MICAL3: variants seen among roughly 807,000 people sequenced by gnomAD.
The protein encoded by MICAL3 is microtubule associated monooxygenase, calponin and LIM domain containing 3, also known as [F-actin]-monooxygenase MICAL3.
MICAL3 carries 62 observed loss-of-function variants against 207.4 expected under a neutral mutation model. The ratio of observed to expected loss-of-function variants is 0.30; its 90% CI spans 0.24 to 0.37. The LOEUF (loss-of-function observed/expected upper bound fraction) is 0.37. Among genes scored for constraint, MICAL3 ranks in the 10% least tolerant of loss-of-function variants. MICAL3 has a pLI of 1.00. For synonymous variants in MICAL3, 1,077 were observed against 1,069.3 expected, an observed-to-expected ratio of 1.01 and a Z score of -0.14; for missense variants, 2,368 against 2,635.6, an observed-to-expected ratio of 0.90 and a Z score of 2.22.
chr22:17,887,535 G>A (rs542193170), intron 13 of MICAL3, 100 bp from the exon 14 acceptor site: 2 of 724,124 alleles, frequency 2.8e-6, no homozygotes, highest in Non-Finnish European at 4.7e-6. Flanking sequence ...CAGAGCCTCA[G>A]AAGGCTCTAA....
At chr22:17,885,806 T>C in intron 16 of MICAL3, 72 bp downstream of exon 16, 3 of 1,497,286 alleles carry the variant, frequency 2.0e-6, no homozygotes, top group Non-Finnish European at 2.8e-6. Flanking sequence ...CCCATCTCAA[T>C]GGATGGAAAA....
intron 27 of MICAL3, chr22:17,811,116 C>A: frequency 3.4e-6 from 1 of 295,058 alleles, no homozygotes; most frequent in Non-Finnish European, 6.5e-6. Context: ...GAGTGGGGAC[C>A]GACTGTTAGG....
intron 30 of MICAL3, 37 bp from the exon 31 acceptor site, chr22:17,791,108 G>T (rs1473581249): frequency 1.2e-6 from 2 of 1,607,156 alleles, no homozygotes; most frequent in South Asian, 1.1e-5. Context: ...AAGCCACAGT[G>T]ACTGGGGACC....
rs1921109864 is a variant in MICAL3 at position 17,817,295 on chromosome 22, C to G, written c.5350+16G>C. The G allele has an allele frequency of 6.4e-7, 1 of 1,570,404 alleles. No homozygotes were observed. Reference sequence around the variant, plus strand: ...CCTCCCGCTCTGCCTGCACGCGGACCCGGCTGCTGACGCACCTGCCCTTAC... The same window carrying G: ...CCTCCCGCTCTGCCTGCACGCGGACGCGGCTGCTGACGCACCTGCCCTTAC... On this transcript the variant is annotated intron_variant, in intron 26 of 31. Transcript: ENST00000441493.
At chr22:17,819,282 A>C (rs994997108) in intron 25 of MICAL3, among the ~76,000 whole-genome samples, 153 bp from the exon 26 acceptor site, 1 of 151,824 alleles carries the variant, frequency 6.6e-6, no homozygotes, top group African/African-American at 2.4e-5. Context: ...CTCCAGGAAA[A>C]CCCTTTCCAC....
At chr22:17,939,295 T>A (rs950235876) in intron 1 of MICAL3, among the ~76,000 whole-genome samples, 13 of 152,232 alleles carry the variant, frequency 8.5e-5, no homozygotes, top group Non-Finnish European at 1.9e-4. Flanking sequence ...TCACTCAGTT[T>A]CAGGCATTCT....
chr22:17,885,633 TA>T (rs368739168), intron 16 of MICAL3, among the ~76,000 whole-genome samples: 1,694 of 150,980 alleles, frequency 0.011, 28 homozygotes, highest in African/African-American at 0.039. Context: ...AGATTTTTTT[TA>T]GATCCCTCTG....
At chr22:17,990,042 G>A (rs1266034860) in intron 1 of MICAL3, among the ~76,000 whole-genome samples, 5 of 152,082 alleles carry the variant, frequency 3.3e-5, no homozygotes, top group South Asian at 2.1e-4. Context: ...AACACAACAC[G>A]TGGAAAAAGG....
At chr22:17,851,692 C>T (rs373588178) in intron 19 of MICAL3, among the ~76,000 whole-genome samples, 4 of 152,112 alleles carry the variant, frequency 2.6e-5, no homozygotes, top group African/African-American at 9.7e-5. Flanking sequence ...TGGGAACGGC[C>T]GCCTCATGAA....
At chr22:17,842,399 C>T (rs541125765) in intron 19 of MICAL3, 356 of 204,744 alleles carry the variant, frequency 1.7e-3, no homozygotes, top group Non-Finnish European at 3.0e-3. Flanking sequence ...ATCCCCGGTG[C>T]AGTCTGCCCC....
intron 1 of MICAL3, among the ~76,000 whole-genome samples, chr22:17,931,527 C>T (rs1034895880): frequency 2.1e-4 from 32 of 152,196 alleles, no homozygotes; most frequent in African/African-American, 7.7e-4. Context: ...CAACAGGACA[C>T]ATGCTCCCTC....
chr22:17,944,157 G>C (rs1475398984), intron 1 of MICAL3, among the ~76,000 whole-genome samples: 2 of 152,188 alleles, frequency 1.3e-5, no homozygotes, highest in African/African-American at 4.8e-5. Context: ...AGTGGAGAGA[G>C]AGAAAAAGAC....
intron 19 of MICAL3, chr22:17,861,530 G>C: frequency 1.0e-6 from 1 of 985,386 alleles, no homozygotes; most frequent in Non-Finnish European, 1.2e-6. Context: ...GATAAAAAGA[G>C]GATTCCTCTG....
At position 17,862,265 on chromosome 22, in the gene MICAL3, T is replaced by C. The variant is rs529263271; in HGVS notation, c.2605+2634A>G. 41 of 980,738 alleles carry C rather than the reference T, an allele frequency of 4.2e-5. No homozygotes were observed. The East Asian group carries it at 1.5e-3, about 35-fold the overall frequency. 60.8% of individuals were successfully genotyped at this position (980,738 alleles called of 1,614,324 possible). A position where few individuals can be genotyped will look rare whatever the true frequency, so the allele number is the denominator to read the frequency against. ...CACCTGAGCTTTCCCTTTTCTTCTT[T>C]TTTTTTTTTAGATGGAGTCTTGCTC... On this transcript the variant is annotated intron_variant, in intron 19 of 31. Coordinates refer to ENST00000441493, the MANE Select transcript of MICAL3 (RefSeq NM_015241.3).
At position 17,821,881 on chromosome 22, in the gene MICAL3, G is replaced by C. The variant is rs926365256; in HGVS notation, c.3448+149C>G. The C allele has an allele frequency of 3.0e-6, 3 of 1,001,044 alleles. No homozygotes were observed. In the African/African-American group the frequency reaches 4.9e-5, roughly 16 times the overall value. The allele number at this position is 1,001,044 out of a possible 1,614,324, so 62.0% of individuals were successfully genotyped here. A position where few individuals can be genotyped will look rare whatever the true frequency, so the allele number is the denominator to read the frequency against. The stretch of plus-strand genomic sequence containing the variant: ...CTGTGGCACAGGGAGGGTGGACAGA[G>C]GAGGAAAAGGCAAGGAGCTGCCCAC... On this transcript the variant is annotated intron_variant, in intron 24 of 31. Coordinates refer to ENST00000441493, the MANE Select transcript of MICAL3 (RefSeq NM_015241.3).
At chr22:17,924,077 G>A (rs910050184) in intron 1 of MICAL3, among the ~76,000 whole-genome samples, 15 of 152,168 alleles carry the variant, frequency 9.9e-5, no homozygotes, top group African/African-American at 3.6e-4. Flanking sequence ...ACTATCACAA[G>A]AAAAGCATGG....
intron 16 of MICAL3, chr22:17,879,442 C>T (rs984156362): frequency 5.7e-6 from 9 of 1,567,250 alleles, no homozygotes; most frequent in African/African-American, 5.4e-5. Context: ...CCATGCATAT[C>T]GCTCTATTTG....
intron 19 of MICAL3, among the ~76,000 whole-genome samples, chr22:17,853,802 A>T (rs116138463): frequency 0.011 from 1,617 of 152,344 alleles, 36 homozygotes; most frequent in African/African-American, 0.038. Flanking sequence ...GGGTGTGCAC[A>T]TCCACTGGGG....
intron 29 of MICAL3, among the ~76,000 whole-genome samples, chr22:17,808,329 C>A (rs892563095): frequency 6.6e-6 from 1 of 152,250 alleles, no homozygotes; most frequent in African/African-American, 2.4e-5. Context: ...TCAGCAGACA[C>A]AGGGCCTGGG....
Sources: gnomAD v4.1 joint callset for allele counts (sites outside exome capture counted in the v4.1 genomes callset) on GRCh38, gnomAD v4.1.1 for gene constraint, MANE v1.5 for transcripts, NCBI Gene and HGNC (gene_info 2026-07-23, HGNC 2026-07-21) for gene names.